MYOZ2: variants seen among roughly 807,000 people sequenced by gnomAD.
MYOZ2 encodes the protein myozenin-2.
Under a neutral mutation model 25.4 loss-of-function variants are expected in MYOZ2, and 19 were observed. The ratio of observed to expected loss-of-function variants is 0.75; its 90% CI spans 0.52 to 1.10. The LOEUF is 1.10. MYOZ2 is among the 50% of genes least tolerant of loss of function. MYOZ2 has a pLI of 0.00. For missense variants in MYOZ2, 270 were observed against 317.9 expected (o/e 0.85, Z 1.15); for synonymous variants, 92 against 106.9 (o/e 0.86, Z 0.86).
At position 119,164,032 on chromosome 4, in the gene MYOZ2, C is replaced by T. The variant is rs537466663; in HGVS notation, c.377-179C>T. On this transcript the variant is annotated intron_variant, in intron 4 of 5. Transcript: ENST00000307128. ...TGGTTTCTTTTTAAAGTTCCATAAG[C>T]TTACAGGAGCTCTAAAATGTCTAAC... 3.3e-5 allele frequency among the ~76,000 whole-genome samples: 5 copies of T among 152,132 alleles called. No individual in the cohort carries two copies. The South Asian group carries it at 1.0e-3, about 32-fold the overall frequency.
intron 2 of MYOZ2, among the ~76,000 whole-genome samples, chr4:119,145,509 TGTGTG>T (rs1741269694): frequency 1.9e-5 from 1 of 52,072 alleles, no homozygotes; most frequent in Non-Finnish European, 3.5e-5. Flanking sequence ...GCTAAAACTG[TGTGTG>T]TGTGTGTGTG....
chr4:119,185,985 G>A lies in MYOZ2; in HGVS notation c.580G>A (p.Gly194Ser). The A allele has an allele frequency of 6.2e-7, 1 of 1,613,522 alleles. No homozygotes were observed. The change falls in exon 6 of 6, where the codon GGT becomes AGT. Residue 194 changes from glycine (G) to serine (S), a missense_variant. Physicochemically the swap from Gly to Ser is moderately conservative, Grantham distance 56 (BLOSUM62 0). Transcript: ENST00000307128. ...CCACAGGGTTGCCACACCATTTGGA[G>A]GTTTTGAAAAAGCATCAAGAATGGT... ...SFNRVATPFG[G>S]FEKASRMVKF...
intron 2 of MYOZ2, among the ~76,000 whole-genome samples, chr4:119,146,629 T>A (rs1023281148): frequency 6.6e-6 from 1 of 152,180 alleles, no homozygotes; most frequent in African/African-American, 2.4e-5. Context: ...TTGAGGTTTA[T>A]TTTATAGCCC....
chr4:119,161,684 T>C (rs577217887), intron 4 of MYOZ2, among the ~76,000 whole-genome samples: 1 of 152,222 alleles, frequency 6.6e-6, no homozygotes, highest in South Asian at 2.1e-4. Flanking sequence ...ACCTTGAATG[T>C]TCAAAAATGG....
intron 5 of MYOZ2, among the ~76,000 whole-genome samples, chr4:119,170,210 C>G (rs938856863): frequency 6.6e-6 from 1 of 152,022 alleles, no homozygotes; most frequent in African/African-American, 2.4e-5. Flanking sequence ...TGACAACCAC[C>G]ATTCTACTTT....
intron 5 of MYOZ2, among the ~76,000 whole-genome samples, chr4:119,179,630 G>A (rs1244192682): frequency 2.0e-5 from 3 of 152,010 alleles, no homozygotes; most frequent in Admixed American, 2.0e-4. Context: ...TGATCTTAGT[G>A]TTTGTCTTAG....
rs537656319 is a variant in MYOZ2 at position 119,187,033 on chromosome 4, G to T, written c.*833G>T. ...AATACATTCATGTTTGTGAGAGAAG[G>T]AAAGAGTAAGTAATTTGAATTGGCA... On this transcript the variant is annotated 3_prime_UTR_variant, in exon 6 of 6. Coordinates refer to ENST00000307128, the MANE Select transcript of MYOZ2 (RefSeq NM_016599.5). 1 of 152,250 alleles carries T rather than the reference G, an allele frequency of 6.6e-6. No homozygotes were observed. The highest frequency in any genetic ancestry group is 2.1e-4 in the South Asian group (1 of 4,826). The allele number at this position is 152,250 out of a possible 1,614,324, so 9.4% of individuals were successfully genotyped here. A position where few individuals can be genotyped will look rare whatever the true frequency, so the allele number is the denominator to read the frequency against.
intron 4 of MYOZ2, among the ~76,000 whole-genome samples, chr4:119,159,119 C>A (rs572000704): frequency 1.3e-5 from 2 of 152,106 alleles, no homozygotes; most frequent in Non-Finnish European, 2.9e-5. Context: ...AAATAAAAAT[C>A]TTTTAAATTA....
rs376901669 is a variant in MYOZ2, at chr4:119,136,536, A to G, written c.11A>G (p.His4Arg). The G allele has an allele frequency of 2.5e-6, 4 of 1,613,464 alleles. No homozygotes were observed. ...GGGAACAAAAAAACCATGCTATCACATAATACTATGATGAAGCAGAGAAAA... is the reference window on the plus strand; with the variant it reads ...GGGAACAAAAAAACCATGCTATCACGTAATACTATGATGAAGCAGAGAAAA... MLSHNTMMKQRKQQ... is the reference protein window; with the variant it reads MLSRNTMMKQRKQQ... The change falls in exon 2 of 6, where the codon CAT becomes CGT. Residue 4 changes from histidine to arginine, a missense_variant. Transcript: ENST00000307128.
At chr4:119,161,390 G>A (rs1215210996) in intron 4 of MYOZ2, among the ~76,000 whole-genome samples, 1 of 151,994 alleles carries the variant, frequency 6.6e-6, no homozygotes, top group Admixed American at 6.6e-5. Context: ...AAATTAATTT[G>A]TTATAGTGAT....
chr4:119,154,431 C>A (rs1367700667), intron 3 of MYOZ2, among the ~76,000 whole-genome samples: 1 of 152,058 alleles, frequency 6.6e-6, no homozygotes, highest in Non-Finnish European at 1.5e-5. Context: ...TACTATCTAA[C>A]TATTATAAGG....
chr4:119,137,219 A>G (rs1456117141), intron 2 of MYOZ2, among the ~76,000 whole-genome samples: 1 of 152,146 alleles, frequency 6.6e-6, no homozygotes, highest in East Asian at 1.9e-4. Flanking sequence ...AAAAATTTTA[A>G]TATATATTAC....
At chr4:119,149,643 A>C (rs1476962432) in intron 2 of MYOZ2, among the ~76,000 whole-genome samples, 1 of 152,166 alleles carries the variant, frequency 6.6e-6, no homozygotes, top group East Asian at 1.9e-4. Context: ...TGGGGTCCCT[A>C]GCTTGTCTGC....
At chr4:119,176,240 A>T (rs1355724083) in intron 5 of MYOZ2, among the ~76,000 whole-genome samples, 1 of 151,766 alleles carries the variant, frequency 6.6e-6, no homozygotes, top group Non-Finnish European at 1.5e-5. Flanking sequence ...TTTTTTTTTT[A>T]AAACAGTCTC....
chr4:119,180,433 C>T (rs900251574), intron 5 of MYOZ2, among the ~76,000 whole-genome samples: 9 of 152,166 alleles, frequency 5.9e-5, no homozygotes, highest in African/African-American at 2.2e-4. Context: ...CCCCTGCCTG[C>T]CAGCTAATAC....
At chr4:119,157,981 T>G in intron 3 of MYOZ2, 41 bp from the exon 4 acceptor site, 1 of 1,611,062 alleles carries the variant, frequency 6.2e-7, no homozygotes, top group Non-Finnish European at 8.5e-7. Flanking sequence ...TGTGCTTACA[T>G]TTTTGAGTTT....
chr4:119,174,271 G>T (rs1742006972), intron 5 of MYOZ2, among the ~76,000 whole-genome samples: 1 of 152,258 alleles, frequency 6.6e-6, no homozygotes, highest in Admixed American at 6.5e-5. Flanking sequence ...GGGCCTTGGA[G>T]AACCTTTATG....
chr4:119,166,341 A>T (rs975922619), intron 5 of MYOZ2, among the ~76,000 whole-genome samples: 2 of 152,006 alleles, frequency 1.3e-5, no homozygotes, highest in African/African-American at 4.8e-5. Context: ...CACTTTGAGA[A>T]GCCAAGGTGA....
At chr4:119,178,098 T>C (rs1341665085) in intron 5 of MYOZ2, among the ~76,000 whole-genome samples, 3 of 152,230 alleles carry the variant, frequency 2.0e-5, no homozygotes, top group Non-Finnish European at 4.4e-5. Context: ...CAGTGATCAA[T>C]GTACTCAGCT....
Sources: allele counts gnomAD v4.1 joint callset (sites outside exome capture counted in the v4.1 genomes callset), GRCh38; gene constraint gnomAD v4.1.1; transcripts MANE v1.5; gene names NCBI Gene and HGNC (gene_info 2026-07-23, HGNC 2026-07-21).